The following TIRAP variants were observed in gnomAD, a reference collection of about 807,000 sequenced individuals.
TIRAP encodes toll/interleukin-1 receptor domain-containing adapter protein.
TIRAP carries 20 observed loss-of-function variants against 19.8 expected under a neutral mutation model. That is an observed-to-expected ratio of 1.01 (90% confidence interval 0.71 to 1.47). The LOEUF is 1.47. Among genes scored for constraint, TIRAP ranks in the 40% most tolerant of loss-of-function variants. The pLI is 0.00. For missense variants in TIRAP, 276 were observed against 285.1 expected (o/e 0.97, Z 0.23); for synonymous variants, 125 against 121.7 (o/e 1.03, Z -0.18).
chr11:126,289,773 A>G, intron 1 of TIRAP: 1 of 985,446 alleles, frequency 1.0e-6, no homozygotes. Flanking sequence ...CAGAAACTTA[A>G]GGCTGAAAGA....
Position 126,292,537 on chromosome 11 carries a change from C to T in TIRAP, c.128C>T (p.Thr43Ile), listed in dbSNP as rs762549054. The change falls in exon 4 of 5, where the codon ACC becomes ATC. Residue 43 changes from threonine (T) to isoleucine (I), a missense_variant. Physicochemically the swap from Thr to Ile is moderately conservative, Grantham distance 89. Transcript: ENST00000392679. The part of the protein sequence containing the change: ...PKKRPNSPES[T>I]SSDASQPTSQ... ...AAGAGGCCCAACTCCCCAGAAAGCA[C>T]CTCCAGCGATGCTTCACAGCCTACC... is the stretch of plus-strand genomic sequence containing the variant. The T allele has an allele frequency of 6.2e-7, 1 of 1,614,100 alleles. No individual in the cohort carries two copies.
chr11:126,290,034 A>G lies in TIRAP; in HGVS notation c.-216-428A>G, dbSNP rs1167542495. ...AACATAATATACCCCTCCAATATCTAGATTATTTTATATACATAGTAGCCC... is the reference window on the plus strand; with the variant it reads ...AACATAATATACCCCTCCAATATCTGGATTATTTTATATACATAGTAGCCC... On this transcript the variant is annotated intron_variant, in intron 1 of 4. Coordinates refer to ENST00000392679, the MANE Select transcript of TIRAP (RefSeq NM_001318777.2). This position sits in a 1 kb window ranked among gnomAD's most constrained non-coding sequence, Gnocchi z 4.9. Among the ~76,000 whole-genome samples, 1 of 152,234 alleles carries G rather than the reference A, an allele frequency of 6.6e-6. No homozygotes were observed. Among genetic ancestry groups the G allele is most frequent in the Non-Finnish European group, 1.5e-5 (1 of 68,034 alleles).
intron 1 of TIRAP, among the ~76,000 whole-genome samples, chr11:126,285,258 T>TATATATATATAA (rs1358331308): frequency 2.0e-5 from 3 of 147,088 alleles, no homozygotes; most frequent in African/African-American, 4.9e-5. Flanking sequence ...TATATATATA[T>TATATATATATAA]ATAATATATA....
chr11:126,288,827 A>C lies in TIRAP; in HGVS notation c.-216-1635A>C, dbSNP rs548563419. On this transcript the variant is annotated intron_variant, in intron 1 of 4. Coordinates refer to ENST00000392679, the MANE Select transcript of TIRAP (RefSeq NM_001318777.2). The surrounding 1 kb of genome is among the most constrained non-coding windows in gnomAD (Gnocchi z 5.0). ...ATTTTTAACCTTTAGAATATTTACA[A>C]ATCAAATGATGCTCTAGTTTACAAG... Among the ~76,000 whole-genome samples, 1 of 152,250 alleles carries C rather than the reference A, an allele frequency of 6.6e-6. No individual in the cohort carries two copies. The highest frequency in any genetic ancestry group is 6.5e-5 in the Admixed American group (1 of 15,286).
rs1951368188 is a variant in TIRAP at position 126,290,556 on chromosome 11, C to T, written c.-122C>T. ...TGGCCAGGTGGAGCAGAGAACAGTT[C>T]CTCAGCTGGTCATGCTGAGCTCATA... On this transcript the variant is annotated 5_prime_UTR_variant, in exon 2 of 5. Coordinates refer to ENST00000392679, the MANE Select transcript of TIRAP (RefSeq NM_001318777.2). The surrounding 1 kb of genome is among the most constrained non-coding windows in gnomAD (Gnocchi z 4.9). 2 of 1,047,184 alleles carry T rather than the reference C, an allele frequency of 1.9e-6. No homozygotes were observed. The highest frequency in any genetic ancestry group is 7.7e-5 in the East Asian group (1 of 12,974). 64.9% of individuals were successfully genotyped at this position (1,047,184 alleles called of 1,614,324 possible).
In TIRAP at chr11:126,291,329, C is replaced by A; in HGVS notation, c.67+368C>A. The A allele has an allele frequency of 1.4e-6, 1 of 713,840 alleles. No homozygotes were observed. Among genetic ancestry groups the A allele is most frequent in the Non-Finnish European group, 2.2e-6 (1 of 461,268 alleles). The allele number at this position is 713,840 out of a possible 1,614,324, so 44.2% of individuals were successfully genotyped here. ...GAAAATGAATCAATCCCCACCACAA[C>A]TATCTGTCCTTATCAAAGGCTGGGG... On this transcript the variant is annotated intron_variant, in intron 3 of 4. Coordinates refer to ENST00000392679, the MANE Select transcript of TIRAP (RefSeq NM_001318777.2). The surrounding 1 kb of genome is among the most constrained non-coding windows in gnomAD (Gnocchi z 5.6).
rs1162119694 is a variant in TIRAP at position 126,293,224 on chromosome 11, C to T, written c.646+169C>T. On this transcript the variant is annotated intron_variant, in intron 4 of 4. Coordinates refer to ENST00000392679, the MANE Select transcript of TIRAP (RefSeq NM_001318777.2). ...GCACTTATTAACCCATAAAAAGTAA[C>T]TTGGCCAAGTTACTCACCCGCTCTG... 2.3e-6 allele frequency: 3 copies of T among 1,299,254 alleles called. No individual in the cohort carries two copies. In the East Asian group the frequency reaches 7.5e-5, roughly 32 times the overall value. 80.5% of individuals were successfully genotyped at this position (1,299,254 alleles called of 1,614,324 possible).
At chr11:126,285,503 G>A (rs1482262315) in intron 1 of TIRAP, among the ~76,000 whole-genome samples, 4 of 150,988 alleles carry the variant, frequency 2.6e-5, no homozygotes, top group Admixed American at 6.6e-5. Context: ...CTAGTTATCC[G>A]CCCGCCTCGG....
rs1489844489 is a variant in TIRAP, at chr11:126,288,599, G to A, written c.-216-1863G>A. 6 of 152,100 alleles carry A rather than the reference G, an allele frequency of 3.9e-5. No homozygotes were observed. Among genetic ancestry groups the A allele is most frequent in the Non-Finnish European group, 7.4e-5 (5 of 68,026 alleles). 9.4% of individuals were successfully genotyped at this position (152,100 alleles called of 1,614,324 possible). A position where few individuals can be genotyped will look rare whatever the true frequency, so the allele number is the denominator to read the frequency against. ...GTGCTGTTATTTTTCTCTTTAAAAC[G>A]TTTCCATGTTTCTCATGAGGGCTTA... On this transcript the variant is annotated intron_variant, in intron 1 of 4. Transcript: ENST00000392679. The surrounding 1 kb of genome is among the most constrained non-coding windows in gnomAD (Gnocchi z 5.0).
In TIRAP at chr11:126,291,001, G is replaced by A. The variant is rs1363724412; in HGVS notation, c.67+40G>A. 1 of 1,580,616 alleles carries A rather than the reference G, an allele frequency of 6.3e-7. No homozygotes were observed. The highest frequency in any genetic ancestry group is 2.3e-5 in the East Asian group (1 of 43,982). On this transcript the variant is annotated intron_variant, in intron 3 of 4. Transcript: ENST00000392679. The surrounding 1 kb of genome is among the most constrained non-coding windows in gnomAD (Gnocchi z 5.6). ...ACTCGCGACTCTGCTGTGTTCCTGAGTGTAGTGCTCAGCCTCCATAGGGCG... is the reference window on the plus strand; with the variant it reads ...ACTCGCGACTCTGCTGTGTTCCTGAATGTAGTGCTCAGCCTCCATAGGGCG...
Position 126,291,553 on chromosome 11 carries a change from G to A in TIRAP, c.67+592G>A. The A allele has an allele frequency of 1.7e-6, 1 of 573,056 alleles. No homozygotes were observed. The highest frequency in any genetic ancestry group is 3.0e-6 in the Non-Finnish European group (1 of 333,600). 35.5% of individuals were successfully genotyped at this position (573,056 alleles called of 1,614,324 possible). Reference sequence around the variant, plus strand: ...TCCACAAGTCCACAGTCAAAGCCGTGTCCCTGACTCCAGAGTGTGGGTTCT... The same window carrying A: ...TCCACAAGTCCACAGTCAAAGCCGTATCCCTGACTCCAGAGTGTGGGTTCT... On this transcript the variant is annotated intron_variant, in intron 3 of 4. Transcript: ENST00000392679. This position sits in a 1 kb window ranked among gnomAD's most constrained non-coding sequence, Gnocchi z 5.6.
Position 126,290,585 on chromosome 11 carries a change from T to C in TIRAP, c.-93T>C. The stretch of plus-strand genomic sequence containing the variant: ...AGCTGGTCATGCTGAGCTCATACCC[T>C]GTAAGTCTGACCACACTACACAGCT... On this transcript the variant is annotated splice_region_variant and 5_prime_UTR_variant, in exon 2 of 5. Transcript: ENST00000392679. This position sits in a 1 kb window ranked among gnomAD's most constrained non-coding sequence, Gnocchi z 4.9. 8.9e-7 allele frequency: 1 copy of C among 1,122,398 alleles called. No individual in the cohort carries two copies. Among genetic ancestry groups the C allele is most frequent in the Non-Finnish European group, 1.1e-6 (1 of 918,490 alleles). The allele number at this position is 1,122,398 out of a possible 1,614,324, so 69.5% of individuals were successfully genotyped here. A position where few individuals can be genotyped will look rare whatever the true frequency, so the allele number is the denominator to read the frequency against.
At position 126,292,557 on chromosome 11, in the gene TIRAP, C is replaced by G; in HGVS notation, c.148C>G (p.Pro50Ala). 1.9e-6 allele frequency: 3 copies of G among 1,614,156 alleles called. No homozygotes were observed. The highest frequency in any genetic ancestry group is 2.5e-6 in the Non-Finnish European group (3 of 1,180,028). The part of the protein sequence containing the change: ...PESTSSDASQ[P>A]TSQDSPLPPS... Reference sequence around the variant, plus strand: ...AAGCACCTCCAGCGATGCTTCACAGCCTACCTCACAGGACAGCCCACTACC... The same window carrying G: ...AAGCACCTCCAGCGATGCTTCACAGGCTACCTCACAGGACAGCCCACTACC... The change falls in exon 4 of 5, where the codon CCT (proline) becomes GCT (alanine). Residue 50 changes from proline to alanine, a missense_variant. Transcript: ENST00000392679.
At chr11:126,283,531 G>A (rs1317320206) in intron 1 of TIRAP, among the ~76,000 whole-genome samples, 1 of 152,166 alleles carries the variant, frequency 6.6e-6, no homozygotes, top group Non-Finnish European at 1.5e-5. Flanking sequence ...TCTGCTCTTC[G>A]GGTTGTCATT....
At chr11:126,293,448 A>G in intron 4 of TIRAP, 1 of 715,716 alleles carries the variant, frequency 1.4e-6, no homozygotes, top group Non-Finnish European at 2.5e-6. Flanking sequence ...GGAGATGTCC[A>G]TCAAGAGCTG....
intron 1 of TIRAP, among the ~76,000 whole-genome samples, chr11:126,286,699 T>C (rs1951326173): frequency 6.6e-6 from 1 of 152,198 alleles, no homozygotes; most frequent in Non-Finnish European, 1.5e-5. Flanking sequence ...ACAGACCAGG[T>C]TTTAGCACTC....
At chr11:126,293,588 GAT>G in intron 4 of TIRAP, 78 bp from the exon 5 acceptor site, 3 of 1,534,932 alleles carry the variant, frequency 2.0e-6, no homozygotes, top group Non-Finnish European at 2.7e-6. Flanking sequence ...TAGATAAAAA[GAT>G]AGAAGAGGCA....
At chr11:126,289,648 T>A in intron 1 of TIRAP, 1 of 947,618 alleles carries the variant, frequency 1.1e-6, no homozygotes, top group Non-Finnish European at 1.3e-6. Context: ...GTTCTCAGGT[T>A]TGTTTTGATC....
Position 126,294,699 on chromosome 11 carries a change from C to A in TIRAP, c.*1012C>A, listed in dbSNP as rs756497283. 5 of 350,286 alleles carry A rather than the reference C, an allele frequency of 1.4e-5. No homozygotes were observed. The highest frequency in any genetic ancestry group is 2.3e-5 in the Non-Finnish European group (4 of 173,742). The allele number at this position is 350,286 out of a possible 1,614,324, so 21.7% of individuals were successfully genotyped here. A position where few individuals can be genotyped will look rare whatever the true frequency, so the allele number is the denominator to read the frequency against. Reference sequence around the variant, plus strand: ...ATTTCCTCCAATGTGTACTTTTGTGCCCCCCTCTCACTTCTCCCTATCATG... The same window carrying A: ...ATTTCCTCCAATGTGTACTTTTGTGACCCCCTCTCACTTCTCCCTATCATG... On this transcript the variant is annotated 3_prime_UTR_variant, in exon 5 of 5. Transcript: ENST00000392679.
Sources: gnomAD v4.1 joint callset for allele counts (sites outside exome capture counted in the v4.1 genomes callset) on GRCh38, gnomAD v4.1.1 for gene constraint, Gnocchi (gnomAD v3.1) non-coding constraint, MANE v1.5 for transcripts, NCBI Gene and HGNC (gene_info 2026-07-23, HGNC 2026-07-21) for gene names.